Variants in LRRC7 observed in about 807,000 individuals in gnomAD.
LRRC7 encodes the protein leucine-rich repeat-containing protein 7.
A neutral mutation model predicts 175.7 loss-of-function variants in LRRC7; 23 were observed. The observed-to-expected ratio is 0.13, with a 90% CI of 0.09 to 0.19. The LOEUF (loss-of-function observed/expected upper bound fraction) is 0.19. Ranked by LOEUF, LRRC7 falls within the 10% of genes least tolerant of loss-of-function variation. The pLI, the probability that LRRC7 is intolerant of heterozygous loss-of-function variation, is 1.00. For missense variants in LRRC7, 1,354 were observed against 1,904.7 expected (o/e 0.71, Z 5.38); for synonymous variants, 685 against 680.9 (o/e 1.01, Z -0.09).
rs1553201466 is a variant in LRRC7 at position 70,082,781 on chromosome 1, A to ATCTTTTTTTTTTTTTTTTTTTTTT, written c.4452+6484_4452+6485insCTTTTTTTTTTTTTTTTTTTTTTT. Among the ~76,000 whole-genome samples the ATCTTTTTTTTTTTTTTTTTTTTTT allele has an allele frequency of 1.8e-3, 96 of 52,310 alleles. 24 individuals carry two copies. The highest frequency in any genetic ancestry group is 2.8e-3 in the East Asian group (4 of 1,408). The allele number at this position is 52,310 out of a possible 152,430, so 34.3% of individuals were successfully genotyped here. A position where few individuals can be genotyped will look rare whatever the true frequency, so the allele number is the denominator to read the frequency against. The stretch of plus-strand genomic sequence containing the variant: ...TATTAGTCAATCTTGATACCAGTAC[A>ATCTTTTTTTTTTTTTTTTTTTTTT]TTTTTTTTTTTTTTTTTTTTTTTTT... On this transcript the variant is annotated intron_variant, in intron 24 of 26. Transcript: ENST00000651989.
intron 7 of LRRC7, among the ~76,000 whole-genome samples, chr1:69,855,809 C>T (rs906100844): frequency 6.6e-6 from 1 of 152,120 alleles, no homozygotes; most frequent in African/African-American, 2.4e-5. Flanking sequence ...TCTGGGTGCT[C>T]CTGTATTGGG....
chr1:70,083,898 A>G (rs1230644075), intron 24 of LRRC7, among the ~76,000 whole-genome samples: 1 of 152,094 alleles, frequency 6.6e-6, no homozygotes, highest in Admixed American at 6.6e-5. Flanking sequence ...CTCACACCTG[A>G]CTACTTCAAA....
chr1:69,727,782 A>G (rs1667136004), intron 2 of LRRC7, among the ~76,000 whole-genome samples: 1 of 152,228 alleles, frequency 6.6e-6, no homozygotes, highest in Admixed American at 6.5e-5. Context: ...TTAGAAGAAG[A>G]CACTAAATAA....
intron 20 of LRRC7, 92 bp downstream of exon 20, chr1:70,036,716 G>A (rs773524668): frequency 7.0e-5 from 95 of 1,355,618 alleles, no homozygotes; most frequent in Middle Eastern, 2.2e-4. Flanking sequence ...AATTGTATTC[G>A]GCACACAAGT....
At chr1:70,090,565 T>C (rs555680663) in intron 25 of LRRC7, among the ~76,000 whole-genome samples, 13 of 152,108 alleles carry the variant, frequency 8.5e-5, no homozygotes, top group Non-Finnish European at 1.8e-4. Flanking sequence ...CTACCATCAG[T>C]GTTTAATACT....
At chr1:69,742,545 G>A (rs1026990055) in intron 2 of LRRC7, among the ~76,000 whole-genome samples, 7 of 151,788 alleles carry the variant, frequency 4.6e-5, no homozygotes, top group South Asian at 4.1e-4. Context: ...TTGTGTGTGC[G>A]TGCACACAGT....
At chr1:69,705,274 A>T (rs1243416894) in intron 2 of LRRC7, among the ~76,000 whole-genome samples, 1 of 152,138 alleles carries the variant, frequency 6.6e-6, no homozygotes, top group Non-Finnish European at 1.5e-5. Context: ...TTAGAAAGAA[A>T]ATGAAGCCCA....
At position 70,140,834 on chromosome 1, in the gene LRRC7, T is replaced by G. The variant is rs1298879417; in HGVS notation, c.*18947T>G. 3.3e-5 allele frequency among the ~76,000 whole-genome samples: 5 copies of G among 152,140 alleles called. No individual in the cohort carries two copies. Among genetic ancestry groups the G allele is most frequent in the Non-Finnish European group, 7.4e-5 (5 of 67,996 alleles). Reference sequence around the variant, plus strand: ...GACTGAATATTTTGGTTCAGATGGCTTTCCCTTCTCCCTAAGTGTCAGTGA... The same window carrying G: ...GACTGAATATTTTGGTTCAGATGGCGTTCCCTTCTCCCTAAGTGTCAGTGA... On this transcript the variant is annotated 3_prime_UTR_variant, in exon 27 of 27. Coordinates refer to ENST00000651989, the MANE Select transcript of LRRC7 (RefSeq NM_001370785.2).
chr1:69,795,911 G>GTTTTTTTTTTTTTTTTTTTTTT (rs139511941), intron 4 of LRRC7, among the ~76,000 whole-genome samples: 1 of 94,892 alleles, frequency 1.1e-5, no homozygotes, highest in African/African-American at 3.7e-5. Context: ...ATTTTTTTTG[G>GTTTTTTTTTTTTTTTTTTTTTT]GTTTTTTTTT....
intron 2 of LRRC7, among the ~76,000 whole-genome samples, chr1:69,703,229 G>A (rs1663595260): frequency 6.6e-6 from 1 of 151,974 alleles, no homozygotes; most frequent in Non-Finnish European, 1.5e-5. Context: ...ACAGGACTGA[G>A]TCTCTCCTGG....
intron 11 of LRRC7, among the ~76,000 whole-genome samples, chr1:70,003,846 T>TA (rs148135670): frequency 0.059 from 8,723 of 148,256 alleles, 490 homozygotes; most frequent in African/African-American, 0.15. Context: ...ATAGTATCTT[T>TA]AAAAAAAAAA....
chr1:69,828,175 C>T (rs915564180), intron 5 of LRRC7, among the ~76,000 whole-genome samples: 1 of 152,092 alleles, frequency 6.6e-6, no homozygotes, highest in Non-Finnish European at 1.5e-5. Context: ...ATCTGTACCT[C>T]AGTTGATAGG....
chr1:69,743,588 C>T lies in LRRC7; in HGVS notation c.101-16603C>T, dbSNP rs75986825. Among the ~76,000 whole-genome samples, 459 of 152,012 alleles carry T rather than the reference C, an allele frequency of 3.0e-3. 3 individuals are homozygous for T. The highest frequency in any genetic ancestry group is 0.01 in the African/African-American group (435 of 41,530). On this transcript the variant is annotated intron_variant, in intron 2 of 26. Coordinates refer to ENST00000651989, the MANE Select transcript of LRRC7 (RefSeq NM_001370785.2). ...AAAAGGAGGAGCCACATTTAAAAAT[C>T]GGACTTATTTGTGACATTGAAAGTG...
intron 23 of LRRC7, among the ~76,000 whole-genome samples, chr1:70,073,130 T>C (rs1662514282): frequency 6.6e-6 from 1 of 152,156 alleles, no homozygotes; most frequent in African/African-American, 2.4e-5. Context: ...TCTTTAACAC[T>C]ATTGTGAAGT....
chr1:69,815,948 CTTTATTTA>C (rs61408208), intron 4 of LRRC7, among the ~76,000 whole-genome samples: 2,240 of 147,506 alleles, frequency 0.015, 43 homozygotes, highest in African/African-American at 0.046. Flanking sequence ...TCTCTAGAAC[CTTTATTTA>C]TTTATTTATT....
intron 5 of LRRC7, 77 bp from the exon 6 acceptor site, chr1:69,834,703 C>T: frequency 9.5e-7 from 1 of 1,057,098 alleles, no homozygotes; most frequent in Non-Finnish European, 1.5e-6. Context: ...ATTTTTTCTC[C>T]TCAGAGATAC....
intron 3 of LRRC7, among the ~76,000 whole-genome samples, chr1:69,778,591 GA>G (rs1378186555): frequency 3.9e-5 from 6 of 152,268 alleles, no homozygotes; most frequent in Admixed American, 3.3e-4. Context: ...GACAAGACTA[GA>G]GCACAATCTA....
chr1:69,825,685 A>C (rs1679824969), intron 4 of LRRC7, 63 bp from the exon 5 acceptor site: 1 of 1,041,316 alleles, frequency 9.6e-7, no homozygotes, highest in Admixed American at 2.1e-5. Flanking sequence ...TAAATATTAG[A>C]ACTATAGTTT....
chr1:70,013,304 T>G (rs962205312), intron 13 of LRRC7, among the ~76,000 whole-genome samples: 1 of 151,902 alleles, frequency 6.6e-6, no homozygotes, highest in African/African-American at 2.4e-5. Flanking sequence ...ATGTAATGTA[T>G]TAAAATTATA....
Sources: allele counts gnomAD v4.1 joint callset (sites outside exome capture counted in the v4.1 genomes callset), GRCh38; gene constraint gnomAD v4.1.1; transcripts MANE v1.5; gene names NCBI Gene and HGNC (gene_info 2026-07-23, HGNC 2026-07-21).